BCOR: variants seen among roughly 807,000 people sequenced by gnomAD.
BCOR encodes the protein BCL6 corepressor.
BCOR carries 10 observed loss-of-function variants against 86.7 expected under a neutral mutation model. That is an observed-to-expected ratio of 0.12 (90% CI 0.07 to 0.20). BCOR has a LOEUF of 0.20. BCOR is among the 10% of genes least tolerant of loss of function. The probability of loss-of-function intolerance (pLI) is 1.00; values close to 1 mark genes in which losing one functional copy is unlikely to be tolerated. For synonymous variants in BCOR, 611 were observed against 609.0 expected (o/e 1.00, Z -0.05); for missense variants, 1,259 against 1,452.1 (o/e 0.87, Z 2.16).
chrX:40,141,377 G>A (rs1291225323), intron 1 of BCOR, among the ~76,000 whole-genome samples: 1 of 112,611 alleles, frequency 8.9e-6, no homozygotes, highest in Non-Finnish European at 1.9e-5. Context: ...AGGTTCCAGC[G>A]TGTTTCGCCT....
chrX:40,064,641 G>A (rs765938363), intron 6 of BCOR, 42 bp from the exon 7 acceptor site: 2 of 1,203,777 alleles, frequency 1.7e-6, no homozygotes, highest in Admixed American at 4.3e-5. Context: ...AAGCCCGAAG[G>A]TCGCCATGAG....
chrX:40,106,820 G>T (rs1937196545), intron 1 of BCOR, among the ~76,000 whole-genome samples: 1 of 111,131 alleles, frequency 9.0e-6, no homozygotes, highest in Non-Finnish European at 1.9e-5. Context: ...CGGCCAGAGC[G>T]TGGTGGAAAC....
intron 10 of BCOR, 121 bp downstream of exon 10, chrX:40,062,016 ACC>A: frequency 2.2e-6 from 2 of 914,396 alleles, no homozygotes; most frequent in Non-Finnish European, 3.0e-6. Context: ...CTGTTGGAGC[ACC>A]GGCCCAGCCC....
At position 40,054,009 on chromosome X, in the gene BCOR, G is replaced by A. The variant is rs1934460840; in HGVS notation, c.4853C>T (p.Ala1618Val). 8.3e-7 allele frequency: 1 copy of A among 1,209,729 alleles called. No homozygotes were observed. The highest frequency in any genetic ancestry group is 1.7e-5 in the African/African-American group (1 of 57,185). ...PDDESGYDVLANPPGPEDQDD... is the reference protein window; with the variant it reads ...PDDESGYDVLVNPPGPEDQDD... Reference sequence around the variant, plus strand: ...CTGGTCTTCTGGTCCTGGGGGGTTGGCTAAAACATCATAGCCACTTTCATC... The same window carrying A: ...CTGGTCTTCTGGTCCTGGGGGGTTGACTAAAACATCATAGCCACTTTCATC... Residue 1618 changes from alanine (A) to valine (V), a missense_variant, in exon 14 of 15, where the codon GCC (alanine) becomes GTC (valine). By Grantham distance (64) the Ala-to-Val change is moderately conservative (BLOSUM62 0). Around this residue, in one of 7 missense-constraint regions of BCOR, gnomAD observed 137 missense variants for 149.8 expected, o/e 0.91. Transcript: ENST00000378444.
chrX:40,100,331 G>A (rs1326658171), upstream of BCOR, among the ~76,000 whole-genome samples: 1 of 112,823 alleles, frequency 8.9e-6, no homozygotes, highest in Non-Finnish European at 1.9e-5. Flanking sequence ...GTGGAGCCGT[G>A]CCAGGCTCTT....
chrX:40,169,427 A>T (rs1332909504), intron 1 of BCOR, among the ~76,000 whole-genome samples: 1 of 111,807 alleles, frequency 8.9e-6, no homozygotes, highest in East Asian at 2.8e-4. Context: ...AAATCGGCCA[A>T]CCATTTAGTT....
chrX:40,126,939 C>T (rs1448539350), intron 1 of BCOR, among the ~76,000 whole-genome samples: 1 of 111,836 alleles, frequency 8.9e-6, no homozygotes, highest in Non-Finnish European at 1.9e-5. Flanking sequence ...ATCTTCAAGC[C>T]AAGGAGAGAG....
chrX:40,145,934 C>G (rs1430445692), intron 1 of BCOR, among the ~76,000 whole-genome samples: 1 of 111,849 alleles, frequency 8.9e-6, no homozygotes, highest in East Asian at 2.8e-4. Context: ...CGGCTATGCT[C>G]AAGTTCCCTG....
At chrX:40,135,605 G>T (rs184873790) in intron 1 of BCOR, among the ~76,000 whole-genome samples, 87 of 111,061 alleles carry the variant, frequency 7.8e-4, no homozygotes, top group African/African-American at 2.7e-3. Flanking sequence ...GGCCAGGCCA[G>T]TCTCGAACTC....
At chrX:40,057,349 T>C in intron 10 of BCOR, 28 bp from the exon 11 acceptor site, 1 of 1,187,542 alleles carries the variant, frequency 8.4e-7, no homozygotes, top group Non-Finnish European at 1.1e-6. Context: ...AAGAATGCCA[T>C]CAGATCACTG....
At chrX:40,175,703 C>G (rs1569204813) in intron 1 of BCOR, among the ~76,000 whole-genome samples, 1 of 112,868 alleles carries the variant, frequency 8.9e-6, no homozygotes, top group South Asian at 3.6e-4. Context: ...AACTGGGGTG[C>G]AGCGTCTGGG....
intron 10 of BCOR, among the ~76,000 whole-genome samples, chrX:40,060,156 C>T (rs1934799491): frequency 8.9e-6 from 1 of 112,526 alleles, no homozygotes; most frequent in Non-Finnish European, 1.9e-5. Flanking sequence ...AAAGGGTTTA[C>T]ACTGCCACAT....
chrX:40,075,531 G>A (rs974245513), intron 3 of BCOR, among the ~76,000 whole-genome samples: 2 of 111,674 alleles, frequency 1.8e-5, no homozygotes, highest in African/African-American at 6.5e-5. Flanking sequence ...GCCAAGGCGG[G>A]CAGATTGCCT....
intron 1 of BCOR, among the ~76,000 whole-genome samples, chrX:40,131,105 C>T (rs1202281106): frequency 1.8e-5 from 2 of 112,180 alleles, no homozygotes; most frequent in Non-Finnish European, 3.8e-5. Flanking sequence ...CTCAGGCCAC[C>T]ATTGCAACAG....
intron 1 of BCOR, among the ~76,000 whole-genome samples, chrX:40,083,941 G>C (rs776219470): frequency 1.1e-4 from 12 of 112,039 alleles, no homozygotes; most frequent in Admixed American, 8.4e-4. Flanking sequence ...CGAATCTGAC[G>C]AAAAGAAACT....
chrX:40,116,627 T>A (rs1937399770), intron 1 of BCOR, among the ~76,000 whole-genome samples: 1 of 112,091 alleles, frequency 8.9e-6, no homozygotes, highest in African/African-American at 3.2e-5. Flanking sequence ...AAGCCCAGAC[T>A]TATTCATGCC....
At chrX:40,071,877 T>C in intron 4 of BCOR, 187 bp from the exon 5 acceptor site, 2 of 430,209 alleles carry the variant, frequency 4.6e-6, no homozygotes, top group Non-Finnish European at 8.2e-6. Context: ...GTTAAATACA[T>C]ACTCTATCCC....
chrX:40,167,960 G>T (rs766851802), intron 1 of BCOR, among the ~76,000 whole-genome samples: 1 of 112,736 alleles, frequency 8.9e-6, no homozygotes, highest in African/African-American at 3.2e-5. Context: ...CTTTCTCCTG[G>T]GAAGCTTCGA....
chrX:40,113,140 A>G (rs953326323), intron 1 of BCOR, among the ~76,000 whole-genome samples: 3 of 107,806 alleles, frequency 2.8e-5, no homozygotes, highest in Non-Finnish European at 5.7e-5. Flanking sequence ...CACTTTTGCT[A>G]TCCTCCAGTC....
Sources: gnomAD v4.1 joint callset for allele counts (sites outside exome capture counted in the v4.1 genomes callset) on GRCh38, gnomAD v4.1.1 for gene constraint, gnomAD v4.1.1 regional missense constraint, MANE v1.5 for transcripts, NCBI Gene and HGNC (gene_info 2026-07-23, HGNC 2026-07-21) for gene names.